The following UNC13C variants were observed in gnomAD, a reference collection of about 807,000 sequenced individuals.
The protein encoded by UNC13C is protein unc-13 homolog C.
UNC13C carries 174 observed loss-of-function variants against 245.4 expected under a neutral mutation model. That is an observed-to-expected ratio of 0.71 (90% confidence interval 0.63 to 0.80). The LOEUF (loss-of-function observed/expected upper bound fraction) is 0.80, where lower values mean the gene tolerates loss of function less well. Ranked by LOEUF, UNC13C falls within the 30% of genes least tolerant of loss-of-function variation. The probability of loss-of-function intolerance (pLI) is 0.00; values close to 1 mark genes in which losing one functional copy is unlikely to be tolerated. For synonymous variants in UNC13C, 992 were observed against 895.1 expected (o/e 1.11, Z -1.93); for missense variants, 2,829 against 2,602.9 (o/e 1.09, Z -1.89).
Position 54,015,174 on chromosome 15 carries a change from C to T in UNC13C, c.2271C>T (p.Ser757=). ...NELYQNQNQL[S]MMYRSQSELQ... is the part of the protein sequence containing the mutation. Reference sequence around the variant, plus strand: ...TATACCAAAATCAAAACCAGTTGTCCATGATGTATCGAAGTCAAAGTGAAT... The same window carrying T: ...TATACCAAAATCAAAACCAGTTGTCTATGATGTATCGAAGTCAAAGTGAAT... The change falls in exon 2 of 33, where the codon TCC becomes TCT. Residue 757 remains serine (S), a synonymous_variant. Transcript: ENST00000260323. 6.2e-7 allele frequency: 1 copy of T among 1,612,680 alleles called. No homozygotes were observed. Among genetic ancestry groups the T allele is most frequent in the Non-Finnish European group, 8.5e-7 (1 of 1,179,388 alleles).
At chr15:53,936,693 C>T in the UNC13C span, among the ~76,000 whole-genome samples, 1 of 152,208 alleles carries the variant, frequency 6.6e-6, no homozygotes, top group Admixed American at 6.5e-5. Flanking sequence ...TTTGCTGTTT[C>T]ACAGTCTTCA....
chr15:54,051,630 T>A (rs1362207505), intron 2 of UNC13C, among the ~76,000 whole-genome samples: 3 of 151,908 alleles, frequency 2.0e-5, no homozygotes, highest in African/African-American at 7.3e-5. Flanking sequence ...GTTTCTGTTA[T>A]ACAGACTTTA....
At chr15:54,378,050 T>C (rs1443950351) in intron 17 of UNC13C, among the ~76,000 whole-genome samples, 1 of 152,202 alleles carries the variant, frequency 6.6e-6, no homozygotes, top group Non-Finnish European at 1.5e-5. Flanking sequence ...GATGTTTTTA[T>C]ATGTAGATAC....
chr15:54,172,858 T>C (rs2033469947), intron 4 of UNC13C, among the ~76,000 whole-genome samples: 1 of 150,018 alleles, frequency 6.7e-6, no homozygotes, highest in Admixed American at 6.7e-5. Context: ...AGAATCTTTA[T>C]AATTTCAGCT....
intron 2 of UNC13C, among the ~76,000 whole-genome samples, chr15:54,061,291 C>T (rs1258603591): frequency 6.6e-6 from 1 of 152,062 alleles, no homozygotes; most frequent in Non-Finnish European, 1.5e-5. Context: ...GTGTCTGATT[C>T]TTGGTGGACC....
At chr15:54,148,223 C>A (rs16974155) in intron 4 of UNC13C, among the ~76,000 whole-genome samples, 33,664 of 151,950 alleles carry the variant, frequency 0.22, 3,834 homozygotes, top group South Asian at 0.29. Context: ...GTACATTTAC[C>A]AAAAAATATT....
At chr15:54,620,917 G>A (rs896883240) in intron 30 of UNC13C, among the ~76,000 whole-genome samples, 7 of 152,096 alleles carry the variant, frequency 4.6e-5, no homozygotes, top group African/African-American at 1.7e-4. Flanking sequence ...CTGGTGTTGG[G>A]GGGAGGAAGG....
chr15:53,906,767 G>A, the UNC13C span, among the ~76,000 whole-genome samples: 3 of 152,172 alleles, frequency 2.0e-5, no homozygotes, highest in Non-Finnish European at 4.4e-5. Flanking sequence ...AAAGCAAAGA[G>A]GTTTAAATGA....
intron 14 of UNC13C, among the ~76,000 whole-genome samples, chr15:54,324,606 G>A (rs374024732): frequency 8.6e-5 from 13 of 151,726 alleles, no homozygotes; most frequent in Admixed American, 4.6e-4. Flanking sequence ...TGATTTTATC[G>A]CACCATTGCA....
At chr15:53,988,823 T>C (rs972407107) in intron 1 of UNC13C, among the ~76,000 whole-genome samples, 4 of 152,184 alleles carry the variant, frequency 2.6e-5, no homozygotes, top group Admixed American at 2.6e-4. Context: ...GCAGGGTCTG[T>C]TGCTGTTTGG....
chr15:54,346,183 A>G (rs1038884119), intron 17 of UNC13C, among the ~76,000 whole-genome samples: 1 of 152,074 alleles, frequency 6.6e-6, no homozygotes, highest in Non-Finnish European at 1.5e-5. Context: ...CTGGTGGTAT[A>G]CCTGACTCTG....
At chr15:53,858,350 T>A in the UNC13C span, among the ~76,000 whole-genome samples, 5 of 152,158 alleles carry the variant, frequency 3.3e-5, no homozygotes, top group Admixed American at 6.6e-5. Flanking sequence ...ATAATTTTTA[T>A]TAAAAACAAC....
intron 24 of UNC13C, among the ~76,000 whole-genome samples, chr15:54,515,383 T>C (rs1894925228): frequency 6.6e-6 from 1 of 152,206 alleles, no homozygotes; most frequent in Admixed American, 6.5e-5. Flanking sequence ...TAGGTTACAT[T>C]ATGTTAATAG....
chr15:53,969,402 G>C, the UNC13C span, among the ~76,000 whole-genome samples: 2 of 152,216 alleles, frequency 1.3e-5, no homozygotes, highest in African/African-American at 4.8e-5. Context: ...CCTTCAGATA[G>C]CAATTTAAAA....
At chr15:54,484,777 T>C (rs927599295) in intron 19 of UNC13C, among the ~76,000 whole-genome samples, 3 of 152,156 alleles carry the variant, frequency 2.0e-5, no homozygotes, top group Non-Finnish European at 4.4e-5. Context: ...CTGTAAATCA[T>C]TGATAGAAAT....
intron 8 of UNC13C, among the ~76,000 whole-genome samples, chr15:54,263,957 A>T (rs977778384): frequency 6.6e-6 from 1 of 152,106 alleles, no homozygotes; most frequent in African/African-American, 2.4e-5. Context: ...GAATCATAGG[A>T]GGTCAATTTA....
intron 19 of UNC13C, among the ~76,000 whole-genome samples, chr15:54,472,249 C>G (rs913712561): frequency 1.6e-4 from 25 of 151,584 alleles, no homozygotes; most frequent in African/African-American, 6.0e-4. Flanking sequence ...CTTTTATTTC[C>G]TCTTCTCCTT....
rs1480567611 is a variant in UNC13C at position 54,217,454 on chromosome 15, A to G, written c.3072-17576A>G. On this transcript the variant is annotated intron_variant, in intron 4 of 32. Transcript: ENST00000260323. ...CAGAACTTTGTCGACCTGCCCTTCT[A>G]TTCTTTTAACTCTCTATGCAGATAG... 3.3e-5 allele frequency among the ~76,000 whole-genome samples: 5 copies of G among 152,038 alleles called. No individual in the cohort carries two copies. In the East Asian group the frequency reaches 7.8e-4, roughly 24 times the overall value.
At chr15:54,558,313 C>A (rs181861185) in intron 29 of UNC13C, among the ~76,000 whole-genome samples, 2 of 152,078 alleles carry the variant, frequency 1.3e-5, no homozygotes, top group East Asian at 3.9e-4. Context: ...GAAGAGATTT[C>A]AGTTGTTTTT....
Sources: allele counts gnomAD v4.1 joint callset (sites outside exome capture counted in the v4.1 genomes callset), GRCh38; gene constraint gnomAD v4.1.1; transcripts MANE v1.5; gene names NCBI Gene and HGNC (gene_info 2026-07-23, HGNC 2026-07-21).